The following P3H2 variants were observed in gnomAD, a reference collection of about 807,000 sequenced individuals.
P3H2 encodes prolyl 3-hydroxylase 2.
Under a neutral mutation model 87.0 loss-of-function variants are expected in P3H2, and 80 were observed. The observed-to-expected ratio is 0.92, with a 90% CI of 0.77 to 1.11. The LOEUF is 1.11. Ranked by LOEUF, P3H2 falls within the 50% of genes least tolerant of loss-of-function variation. The pLI, the probability that P3H2 is intolerant of heterozygous loss-of-function variation, is 0.00. For synonymous variants in P3H2, 367 were observed against 359.3 expected (o/e 1.02, Z -0.24); for missense variants, 1,001 against 923.9 (o/e 1.08, Z -1.08).
At chr3:190,113,702 C>G (rs1712159270) in intron 1 of P3H2, among the ~76,000 whole-genome samples, 1 of 152,104 alleles carries the variant, frequency 6.6e-6, no homozygotes, top group South Asian at 2.1e-4. Flanking sequence ...TATCAATGAG[C>G]AGATGATATT....
At chr3:189,973,522 T>C (rs1723248746) in intron 10 of P3H2, among the ~76,000 whole-genome samples, 1 of 134,954 alleles carries the variant, frequency 7.4e-6, no homozygotes, top group South Asian at 2.4e-4. Context: ...TTTTTTTTTT[T>C]TTTTTTTTTT....
intron 1 of P3H2, 76 bp from the exon 2 acceptor site, chr3:189,995,518 C>CA: frequency 7.1e-7 from 1 of 1,404,806 alleles, no homozygotes; most frequent in Non-Finnish European, 9.7e-7. Flanking sequence ...AAGATCAATC[C>CA]AAAATCTCAC....
In P3H2 at chr3:190,018,760, A is replaced by G. The variant is rs573958965; in HGVS notation, c.481-23318T>C. On this transcript the variant is annotated intron_variant, in intron 1 of 14. Transcript: ENST00000319332. ...TGCTAACTCCACTACTTAATGCTGC[A>G]GTTTAAGTTAGATATAGGCATAAGA... 7.9e-5 allele frequency among the ~76,000 whole-genome samples: 12 copies of G among 152,320 alleles called. No individual in the cohort carries two copies. The South Asian group carries it at 2.5e-3, about 32-fold the overall frequency.
At chr3:190,097,275 T>C (rs953737675) in intron 1 of P3H2, among the ~76,000 whole-genome samples, 25 of 151,354 alleles carry the variant, frequency 1.7e-4, no homozygotes, top group African/African-American at 5.8e-4. Context: ...ACAGATGTGA[T>C]GCATTACTAA....
intron 1 of P3H2, among the ~76,000 whole-genome samples, chr3:190,092,219 C>T (rs1023308132): frequency 5.3e-5 from 7 of 132,942 alleles, no homozygotes; most frequent in Non-Finnish European, 1.1e-4. Context: ...GGCGATGGAA[C>T]GAGACTCCGT....
chr3:190,033,945 G>GT (rs1207615362), intron 1 of P3H2, among the ~76,000 whole-genome samples: 3 of 152,064 alleles, frequency 2.0e-5, no homozygotes, highest in Admixed American at 6.6e-5. Flanking sequence ...GCGTACAGTG[G>GT]TTTTCTTGGC....
chr3:189,981,083 C>T (rs1187585273), intron 8 of P3H2, among the ~76,000 whole-genome samples: 1 of 152,242 alleles, frequency 6.6e-6, no homozygotes, highest in Admixed American at 6.5e-5. Flanking sequence ...TCCCCCCATA[C>T]CTTGCCCTAT....
At chr3:190,011,720 T>C (rs1724595406) in intron 1 of P3H2, among the ~76,000 whole-genome samples, 1 of 152,224 alleles carries the variant, frequency 6.6e-6, no homozygotes, top group African/African-American at 2.4e-5. Flanking sequence ...GCAAAATTTC[T>C]AATGGGCATA....
intron 1 of P3H2, among the ~76,000 whole-genome samples, chr3:190,100,154 A>C (rs1354042678): frequency 6.6e-6 from 1 of 151,874 alleles, no homozygotes; most frequent in Non-Finnish European, 1.5e-5. Context: ...GAATTGCTCG[A>C]ACTGGGGAGG....
intron 1 of P3H2, among the ~76,000 whole-genome samples, chr3:190,043,635 T>C (rs766875627): frequency 6.6e-6 from 1 of 152,222 alleles, no homozygotes; most frequent in Non-Finnish European, 1.5e-5. Flanking sequence ...AATATACATA[T>C]AATAAAATGA....
chr3:190,112,885 G>A (rs1171278170), intron 1 of P3H2, among the ~76,000 whole-genome samples: 3 of 150,646 alleles, frequency 2.0e-5, no homozygotes, highest in Non-Finnish European at 1.5e-5. Context: ...GGAAAGGAGG[G>A]ATGAATAAAA....
intron 1 of P3H2, among the ~76,000 whole-genome samples, chr3:190,016,619 A>G (rs1307060172): frequency 6.6e-6 from 1 of 152,198 alleles, no homozygotes; most frequent in Non-Finnish European, 1.5e-5. Flanking sequence ...GTTAGAAAAA[A>G]TAATAATAAT....
chr3:189,961,018 G>A (rs1332160909), intron 14 of P3H2, among the ~76,000 whole-genome samples: 3 of 151,216 alleles, frequency 2.0e-5, no homozygotes, highest in African/African-American at 7.3e-5. Flanking sequence ...TCGGGTTACA[G>A]CAACCTCCAC....
chr3:190,019,309 A>AAATAAGG (rs1724862378), intron 1 of P3H2, among the ~76,000 whole-genome samples: 1 of 152,208 alleles, frequency 6.6e-6, no homozygotes, highest in Non-Finnish European at 1.5e-5. Flanking sequence ...TTATGCCAAA[A>AAATAAGG]AATAAGGTAT....
chr3:190,097,348 A>G (rs1727619234), intron 1 of P3H2, among the ~76,000 whole-genome samples: 1 of 152,210 alleles, frequency 6.6e-6, no homozygotes, highest in Non-Finnish European at 1.5e-5. Context: ...TTCTTCCCAT[A>G]TATTTGAAAA....
Position 189,974,655 on chromosome 3 carries a change from A to G in P3H2, c.1355T>C (p.Phe452Ser), listed in dbSNP as rs1474240576. 6.2e-7 allele frequency: 1 copy of G among 1,614,078 alleles called. No homozygotes were observed. The highest frequency in any genetic ancestry group is 1.3e-5 in the African/African-American group (1 of 74,930). The stretch of plus-strand genomic sequence containing the variant: ...GTTCAGCTGCTCCGAGTTGTAGACG[A>G]ATGTGATGTTCTCATAGAGTAGAGG... ...GGPLLYENIT[F>S]VYNSEQLNGT... Residue 452 changes from phenylalanine to serine, a missense_variant, in exon 9 of 15, where the codon TTC (phenylalanine) becomes TCC (serine). By Grantham distance (155) the Phe-to-Ser change is radical (BLOSUM62 -2). Coordinates refer to ENST00000319332, the MANE Select transcript of P3H2 (RefSeq NM_018192.4).
intron 1 of P3H2, among the ~76,000 whole-genome samples, chr3:190,101,481 T>C (rs1481622223): frequency 6.6e-6 from 1 of 151,596 alleles, no homozygotes; most frequent in African/African-American, 2.4e-5. Flanking sequence ...GAGAAAGCTT[T>C]AGTGGTCTGG....
intron 1 of P3H2, among the ~76,000 whole-genome samples, chr3:190,097,760 T>A (rs1184582868): frequency 6.6e-6 from 1 of 152,046 alleles, no homozygotes; most frequent in Non-Finnish European, 1.5e-5. Context: ...CAATTCCTAC[T>A]GGAAGTGTTG....
intron 1 of P3H2, among the ~76,000 whole-genome samples, chr3:190,057,797 A>C (rs1726206763): frequency 6.6e-6 from 1 of 152,164 alleles, no homozygotes; most frequent in South Asian, 2.1e-4. Flanking sequence ...GAGTGAAAGG[A>C]AAGATGAAGG....
Sources: gnomAD v4.1 joint callset for allele counts (sites outside exome capture counted in the v4.1 genomes callset) on GRCh38, gnomAD v4.1.1 for gene constraint, MANE v1.5 for transcripts, NCBI Gene and HGNC (gene_info 2026-07-23, HGNC 2026-07-21) for gene names.